The following STRBP variants were observed in gnomAD, a reference collection of about 807,000 sequenced individuals.
STRBP encodes spermatid perinuclear RNA-binding protein.
In STRBP, 13 loss-of-function variants were observed where a neutral mutation model predicts 80.1. That is an observed-to-expected ratio of 0.16 (90% CI 0.11 to 0.26). STRBP has a LOEUF of 0.26. Among genes scored for constraint, STRBP ranks in the 10% least tolerant of loss-of-function variants. The pLI, the probability that STRBP is intolerant of heterozygous loss-of-function variation, is 1.00. For missense variants in STRBP, 485 were observed against 815.2 expected, an observed-to-expected ratio of 0.59 and a Z score of 4.93; for synonymous variants, 284 against 291.2, an observed-to-expected ratio of 0.98 and a Z score of 0.25.
rs138783297 is a variant in STRBP, at chr9:123,136,088, A to G, written c.1726T>C (p.Ser576Pro). ...AALAALEKLF[S>P]GPNAANNKKK... ...TTATTATTTGCCGCATTGGGTCCAG[A>G]AAACAGTTTCTCCAAGGCAGCTAAA... Residue 576 changes from serine to proline, a missense_variant, in exon 16 of 19, where the codon TCT becomes CCT. Physicochemically the swap from Ser to Pro is moderately conservative, Grantham distance 74. Around this residue, in one of 3 missense-constraint regions of STRBP, gnomAD observed 23 missense variants for 79.0 expected, o/e 0.29. Coordinates refer to ENST00000348403, the MANE Select transcript of STRBP (RefSeq NM_018387.5). This position sits in a 1 kb window ranked among gnomAD's most constrained non-coding sequence, Gnocchi z 4.2. The G allele has an allele frequency of 6.2e-7, 1 of 1,614,086 alleles. No individual in the cohort carries two copies. The highest frequency in any genetic ancestry group is 1.3e-5 in the African/African-American group (1 of 74,944).
intron 6 of STRBP, among the ~76,000 whole-genome samples, chr9:123,169,494 A>G (rs1228908256): frequency 6.6e-6 from 1 of 152,172 alleles, no homozygotes; most frequent in East Asian, 1.9e-4. Flanking sequence ...TTTTGGAGCA[A>G]TGAGTAAATT....
At chr9:123,169,851 AAACAAC>A (rs541382596) in intron 6 of STRBP, 45 bp downstream of exon 6, 1 of 1,115,600 alleles carries the variant, frequency 9.0e-7, no homozygotes, top group African/African-American at 1.6e-5. Flanking sequence ...TGAAGAAAAC[AAACAAC>A]AACAACAAAT....
chr9:123,204,402 T>C (rs915962978), intron 2 of STRBP, among the ~76,000 whole-genome samples: 8 of 152,190 alleles, frequency 5.3e-5, no homozygotes, highest in African/African-American at 1.4e-4. Context: ...AGGTGTATAT[T>C]TGATTTCACA....
intron 13 of STRBP, among the ~76,000 whole-genome samples, 155 bp from the exon 14 acceptor site, chr9:123,139,842 T>C (rs2036515447): frequency 6.6e-6 from 1 of 152,162 alleles, no homozygotes; most frequent in African/African-American, 2.4e-5. Context: ...AGTCCTTGGT[T>C]AAATATGGTA....
chr9:123,254,219 T>A (rs1398886863), intron 1 of STRBP, among the ~76,000 whole-genome samples: 1 of 152,022 alleles, frequency 6.6e-6, no homozygotes. Context: ...AGCCCAAGAC[T>A]GAAGGGCAAG....
chr9:123,229,754 G>C (rs1406346592), intron 2 of STRBP, among the ~76,000 whole-genome samples: 4 of 152,168 alleles, frequency 2.6e-5, no homozygotes, highest in Non-Finnish European at 5.9e-5. Flanking sequence ...CAGTTGAATG[G>C]GAGAGAGGGT....
At chr9:123,256,097 C>T (rs1481945814) in intron 1 of STRBP, among the ~76,000 whole-genome samples, 1 of 134,096 alleles carries the variant, frequency 7.5e-6, no homozygotes, top group Non-Finnish European at 1.5e-5. Flanking sequence ...GATCATAGCT[C>T]ACTACGGCTT....
chr9:123,201,714 G>A (rs994075471), intron 2 of STRBP, among the ~76,000 whole-genome samples: 18 of 152,188 alleles, frequency 1.2e-4, no homozygotes, highest in African/African-American at 3.9e-4. Flanking sequence ...TGATAAAAAT[G>A]TATATTCTGC....
Position 123,122,383 on chromosome 9 carries a change from C to A in STRBP, c.*3214G>T. The A allele has an allele frequency of 7.9e-7, 1 of 1,273,730 alleles. No individual in the cohort carries two copies. The highest frequency in any genetic ancestry group is 1.0e-6 in the Non-Finnish European group (1 of 982,770). The allele number at this position is 1,273,730 out of a possible 1,614,324, so 78.9% of individuals were successfully genotyped here. ...TAAAAATACATTAACGAGGTATTCC[C>A]AGCTCTTCAATTAATAATGGTGGCT... On this transcript the variant is annotated 3_prime_UTR_variant, in exon 19 of 19. Coordinates refer to ENST00000348403, the MANE Select transcript of STRBP (RefSeq NM_018387.5).
chr9:123,182,422 G>A (rs1165119599), intron 3 of STRBP, among the ~76,000 whole-genome samples: 1 of 151,858 alleles, frequency 6.6e-6, no homozygotes, highest in Non-Finnish European at 1.5e-5. Flanking sequence ...ATAAACTAAG[G>A]AAGACATCTT....
chr9:123,129,382 T>A (rs749777023), intron 17 of STRBP, among the ~76,000 whole-genome samples: 162 of 152,106 alleles, frequency 1.1e-3, no homozygotes, highest in Non-Finnish European at 2.1e-3. Flanking sequence ...AACAACAACT[T>A]ATTCATTTAT....
intron 18 of STRBP, among the ~76,000 whole-genome samples, chr9:123,127,913 C>T (rs2035961162): frequency 6.6e-6 from 1 of 152,170 alleles, no homozygotes; most frequent in African/African-American, 2.4e-5. Context: ...CCTTCAGTAG[C>T]CTTTGAATGG....
intron 1 of STRBP, among the ~76,000 whole-genome samples, chr9:123,246,130 AT>A (rs2040795316): frequency 6.6e-6 from 1 of 152,250 alleles, no homozygotes; most frequent in South Asian, 2.1e-4. Context: ...TTAACCTAAA[AT>A]CAAAAGGAAA....
Position 123,184,117 on chromosome 9 carries a change from T to C in STRBP, c.3+15A>G, listed in dbSNP as rs369635630. On this transcript the variant is annotated intron_variant, in intron 3 of 18. Coordinates refer to ENST00000348403, the MANE Select transcript of STRBP (RefSeq NM_018387.5). ...CTTTTGTAACTAAATTATGAAAATA[T>C]CCACAATAACCTACCATGGTTTTCT... is the stretch of plus-strand genomic sequence containing the variant. The C allele has an allele frequency of 6.2e-7, 1 of 1,606,104 alleles. No homozygotes were observed. Among genetic ancestry groups the C allele is most frequent in the African/African-American group, 1.3e-5 (1 of 74,540 alleles).
intron 2 of STRBP, among the ~76,000 whole-genome samples, chr9:123,204,186 T>A (rs1047021654): frequency 6.6e-6 from 1 of 152,218 alleles, no homozygotes; most frequent in Non-Finnish European, 1.5e-5. Context: ...CAGGATCACA[T>A]TCAATGCTCA....
chr9:123,116,007 G>A (rs2035638833), exon 3 of STRBP: 2 of 456,050 alleles, frequency 4.4e-6, no homozygotes, highest in South Asian at 1.5e-5. Context: ...TCATTTCAAG[G>A]TGCTTTCAGC....
intron 11 of STRBP, among the ~76,000 whole-genome samples, chr9:123,148,421 A>C (rs904039876): frequency 6.6e-6 from 1 of 152,226 alleles, no homozygotes; most frequent in Non-Finnish European, 1.5e-5. Context: ...TAAGTTACCC[A>C]GTCTAAGGTA....
Position 123,268,466 on chromosome 9 carries a change from A to C in STRBP, c.-332T>G, listed in dbSNP as rs1037383426. ...CCGCCGCGCTCTGCCCGCGCCCGGT[A>C]CCCGCTCCCGCTCCGCCGCCGCCGC... On this transcript the variant is annotated 5_prime_UTR_variant, in exon 1 of 19. Coordinates refer to ENST00000348403, the MANE Select transcript of STRBP (RefSeq NM_018387.5). 6.4e-6 allele frequency: 1 copy of C among 157,400 alleles called. No homozygotes were observed. Among genetic ancestry groups the C allele is most frequent in the Non-Finnish European group, 1.3e-5 (1 of 74,396 alleles). The allele number at this position is 157,400 out of a possible 1,614,324, so 9.8% of individuals were successfully genotyped here.
chr9:123,149,455 G>A (rs2132359668), intron 11 of STRBP, among the ~76,000 whole-genome samples: 1 of 152,250 alleles, frequency 6.6e-6, no homozygotes. Context: ...TTGATTGCCT[G>A]GAAATCACAA....
Sources: allele counts gnomAD v4.1 joint callset (sites outside exome capture counted in the v4.1 genomes callset), GRCh38; gene constraint gnomAD v4.1.1; regional missense constraint gnomAD v4.1.1; non-coding constraint Gnocchi (gnomAD v3.1); transcripts MANE v1.5; gene names NCBI Gene and HGNC (gene_info 2026-07-23, HGNC 2026-07-21).